TRMT9B: variants seen among roughly 807,000 people sequenced by gnomAD.
TRMT9B encodes tRNA methyltransferase 9B (putative), also known as probable tRNA methyltransferase 9B.
In TRMT9B, 16 loss-of-function variants were observed where a neutral mutation model predicts 11.5. The ratio of observed to expected loss-of-function variants is 1.39; its 90% CI spans 0.94 to 2.11. The LOEUF (loss-of-function observed/expected upper bound fraction) is 2.11, where lower values mean the gene tolerates loss of function less well. TRMT9B is among the 30% of genes most tolerant of loss of function. TRMT9B has a pLI of 0.00. For synonymous variants in TRMT9B, 274 were observed against 192.4 expected, an observed-to-expected ratio of 1.42 and a Z score of -3.51; for missense variants, 941 against 553.8, an observed-to-expected ratio of 1.70 and a Z score of -7.02.
intron 4 of TRMT9B, among the ~76,000 whole-genome samples, chr8:13,016,756 T>C (rs1394890002): frequency 6.6e-6 from 1 of 150,818 alleles, no homozygotes; most frequent in East Asian, 1.9e-4. Context: ...CGTTGCTCCT[T>C]CCCCCTTTCC....
chr8:12,966,778 C>A (rs1802879613), intron 1 of TRMT9B, among the ~76,000 whole-genome samples: 1 of 152,126 alleles, frequency 6.6e-6, no homozygotes, highest in African/African-American at 2.4e-5. Flanking sequence ...TTAGGGGAAC[C>A]ATCCTGTTCA....
At chr8:12,982,661 C>A (rs867716132) in intron 1 of TRMT9B, among the ~76,000 whole-genome samples, 3,750 of 135,410 alleles carry the variant, frequency 0.028, 159 homozygotes, top group African/African-American at 0.094. Flanking sequence ...GACTCCATCT[C>A]AAAAAAAAAA....
chr8:12,950,592 A>T (rs1401806253), intron 1 of TRMT9B, among the ~76,000 whole-genome samples: 1 of 146,926 alleles, frequency 6.8e-6, no homozygotes, highest in Admixed American at 6.7e-5. Context: ...ACAGAAAAAG[A>T]AAATGTCAGT....
chr8:12,968,943 G>A (rs1803198464), intron 1 of TRMT9B, among the ~76,000 whole-genome samples: 1 of 152,204 alleles, frequency 6.6e-6, no homozygotes, highest in African/African-American at 2.4e-5. Context: ...TGGGTGAGGT[G>A]GCTCATGCCT....
rs910358970 is a variant in TRMT9B, at chr8:12,991,039, G to C, written c.-2+8G>C. 13 of 1,201,394 alleles carry C rather than the reference G, an allele frequency of 1.1e-5. No individual in the cohort carries two copies. The African/African-American group carries it at 1.9e-4, about 17-fold the overall frequency. 74.4% of individuals were successfully genotyped at this position (1,201,394 alleles called of 1,614,324 possible). On this transcript the variant is annotated splice_region_variant and intron_variant, in intron 2 of 4. Coordinates refer to ENST00000524591, the MANE Select transcript of TRMT9B (RefSeq NM_020844.3). Reference sequence around the variant, plus strand: ...AATCACAGGATGACTCAGGTTAGTAGCTTTCAGCGCTTCTGCAACTCACAT... The same window carrying C: ...AATCACAGGATGACTCAGGTTAGTACCTTTCAGCGCTTCTGCAACTCACAT...
chr8:13,024,883 A>T lies in TRMT9B; in HGVS notation c.*2839A>T, dbSNP rs145472326. The stretch of plus-strand genomic sequence containing the variant: ...GGGTAGTCACATGGAAAGCTCTTTT[A>T]AATTTAACTTCCGCCTTTGGATTTT... On this transcript the variant is annotated 3_prime_UTR_variant, in exon 5 of 5. Transcript: ENST00000524591. 377 of 167,106 alleles carry T rather than the reference A, an allele frequency of 2.3e-3. 1 individual carries two copies. Among genetic ancestry groups the T allele is most frequent in the African/African-American group, 8.5e-3 (355 of 41,568 alleles). The allele number at this position is 167,106 out of a possible 1,614,324, so 10.4% of individuals were successfully genotyped here.
intron 1 of TRMT9B, among the ~76,000 whole-genome samples, chr8:12,966,942 A>C (rs1048694088): frequency 5.3e-5 from 8 of 152,206 alleles, no homozygotes; most frequent in Non-Finnish European, 1.2e-4. Context: ...TGTTTACATT[A>C]TGAGATTATA....
intron 1 of TRMT9B, among the ~76,000 whole-genome samples, chr8:12,963,090 A>G (rs1004559918): frequency 6.6e-6 from 1 of 152,222 alleles, no homozygotes; most frequent in South Asian, 2.1e-4. Flanking sequence ...AAATTATGTT[A>G]TATTTTTACA....
chr8:12,999,036 C>G (rs7839947), intron 2 of TRMT9B, among the ~76,000 whole-genome samples: 3,033 of 152,116 alleles, frequency 0.02, 92 homozygotes, highest in African/African-American at 0.069. Context: ...CGCAGTGGCT[C>G]ACGCCTGTAA....
rs1810547308 is a variant in TRMT9B at position 13,006,726 on chromosome 8, T to C, written c.154+370T>C. The C allele has an allele frequency of 2.8e-6, 3 of 1,068,780 alleles. No homozygotes were observed. In the African/African-American group the frequency reaches 4.8e-5, roughly 17 times the overall value. 66.2% of individuals were successfully genotyped at this position (1,068,780 alleles called of 1,614,324 possible). The stretch of plus-strand genomic sequence containing the variant: ...TCTTGTCAACCAGATTGGAGTGCAG[T>C]GGTGCAATCTCAGCTTGCTGCAAAC... On this transcript the variant is annotated intron_variant, in intron 3 of 4. Transcript: ENST00000524591.
rs201998102 is a variant in TRMT9B, at chr8:13,012,681, T to A, written c.155-3T>A. The A allele has an allele frequency of 1.4e-5, 23 of 1,610,962 alleles. No homozygotes were observed. In the African/African-American group the frequency reaches 3.1e-4, roughly 22 times the overall value. The stretch of plus-strand genomic sequence containing the variant: ...GCATGTAACGCAGGTTTTTCTCTTA[T>A]AGGTTGTGGGACTGGAAAATATCTT... On this transcript the variant is annotated splice_region_variant and splice_polypyrimidine_tract_variant and intron_variant, in intron 3 of 4. Transcript: ENST00000524591.
chr8:13,005,285 G>A (rs778276278), intron 2 of TRMT9B, among the ~76,000 whole-genome samples: 7 of 152,080 alleles, frequency 4.6e-5, no homozygotes, highest in Non-Finnish European at 1.0e-4. Context: ...GTTACGAGAG[G>A]CTGCAAAGCG....
intron 1 of TRMT9B, among the ~76,000 whole-genome samples, chr8:12,985,090 A>G (rs965033228): frequency 1.3e-5 from 2 of 152,078 alleles, no homozygotes; most frequent in African/African-American, 4.8e-5. Flanking sequence ...ATTTAGACAC[A>G]TACTCCTTGA....
intron 1 of TRMT9B, among the ~76,000 whole-genome samples, chr8:12,988,968 C>G (rs903493067): frequency 6.6e-6 from 1 of 152,032 alleles, no homozygotes; most frequent in African/African-American, 2.4e-5. Flanking sequence ...TTCTGGGGTC[C>G]TGAATGGGGT....
chr8:12,966,897 A>G (rs1802894288), intron 1 of TRMT9B, among the ~76,000 whole-genome samples: 2 of 152,112 alleles, frequency 1.3e-5, no homozygotes, highest in African/African-American at 4.8e-5. Context: ...CCACATTCTT[A>G]CTACCTTGCT....
At position 13,021,522 on chromosome 8, in the gene TRMT9B, T is replaced by C. The variant is rs1454901635; in HGVS notation, c.843T>C (p.Thr281=). The C allele has an allele frequency of 1.2e-6, 2 of 1,613,846 alleles. No homozygotes were observed. The highest frequency in any genetic ancestry group is 2.2e-5 in the East Asian group (1 of 44,874). The change falls in exon 5 of 5, where the codon ACT becomes ACC. Residue 281 remains threonine, a synonymous_variant. Transcript: ENST00000524591. ...ACACAGAAGTTTGGGCCAGTAGCACTGTAACAGTCCAGCCTTCCAGACACT... is the reference window on the plus strand; with the variant it reads ...ACACAGAAGTTTGGGCCAGTAGCACCGTAACAGTCCAGCCTTCCAGACACT... ...LKNTEVWASS[T]VTVQPSRHSS...
At chr8:12,958,829 CA>C (rs1401843340) in intron 1 of TRMT9B, 1 of 152,288 alleles carries the variant, frequency 6.6e-6, no homozygotes, top group East Asian at 1.9e-4. Flanking sequence ...TCATTCTCAG[CA>C]AACTTTCACA....
intron 1 of TRMT9B, among the ~76,000 whole-genome samples, chr8:12,977,357 C>T (rs546043373): frequency 3.0e-4 from 45 of 152,256 alleles, no homozygotes; most frequent in Middle Eastern, 3.4e-3. Flanking sequence ...GTGGAGCAAG[C>T]CCTAGAGTGT....
chr8:12,969,608 ATTATTTT>A (rs1803302928), intron 1 of TRMT9B, among the ~76,000 whole-genome samples: 2 of 151,982 alleles, frequency 1.3e-5, no homozygotes, highest in African/African-American at 4.8e-5. Context: ...TCTTATTTGT[ATTATTTT>A]TTATTTTTTC....
Sources: gnomAD v4.1 joint callset for allele counts (sites outside exome capture counted in the v4.1 genomes callset) on GRCh38, gnomAD v4.1.1 for gene constraint, MANE v1.5 for transcripts, NCBI Gene and HGNC (gene_info 2026-07-23, HGNC 2026-07-21) for gene names.